The following TSHZ3 variants were observed in gnomAD, a reference collection of about 807,000 sequenced individuals.
The protein encoded by TSHZ3 is teashirt homolog 3.
Under a neutral mutation model 64.5 loss-of-function variants are expected in TSHZ3, and 10 were observed. That is an observed-to-expected ratio of 0.16 (90% CI 0.10 to 0.26). The LOEUF (loss-of-function observed/expected upper bound fraction) is 0.26. TSHZ3 is among the 10% of genes least tolerant of loss of function. The pLI, the probability that TSHZ3 is intolerant of heterozygous loss-of-function variation, is 1.00. For missense variants in TSHZ3, 1,242 were observed against 1,421.7 expected (o/e 0.87, Z 2.03); for synonymous variants, 608 against 593.1 (o/e 1.03, Z -0.36).
At chr19:31,258,976 C>A (rs1310884170) in intron 1 of TSHZ3, among the ~76,000 whole-genome samples, 2 of 152,224 alleles carry the variant, frequency 1.3e-5, no homozygotes, top group East Asian at 3.8e-4. Context: ...TCTATCCAAC[C>A]CCAGCCCCAC....
intron 1 of TSHZ3, among the ~76,000 whole-genome samples, chr19:31,345,433 G>GTGTCATCT (rs1489149701): frequency 1.3e-5 from 2 of 152,300 alleles, no homozygotes; most frequent in Non-Finnish European, 2.9e-5. Flanking sequence ...ACCACCAGGT[G>GTGTCATCT]GGCCACCTCT....
chr19:31,346,920 TAGGCAG>T (rs1160289474), intron 1 of TSHZ3, among the ~76,000 whole-genome samples: 3 of 151,796 alleles, frequency 2.0e-5, no homozygotes, highest in Non-Finnish European at 4.4e-5. Context: ...ACATGTCCAT[TAGGCAG>T]AGGCATTCTG....
chr19:31,235,699 CTTTTTTTTTTTT>C (rs34677399), intron 3 of TSHZ3, among the ~76,000 whole-genome samples: 46 of 59,560 alleles, frequency 7.7e-4, no homozygotes, highest in African/African-American at 3.2e-3. Context: ...TCCTCTTCTT[CTTTTTTTTTTTT>C]TTTTTTTTTT....
Position 31,237,935 on chromosome 19 carries a change from T to G in TSHZ3, n.550+4334A>C, listed in dbSNP as rs556910551. ...TATGTCATTTATATTGATTTCTAAT[T>G]TAACGCCATGTGGTCAGAAAACAAC... On this transcript the variant is annotated intron_variant and non_coding_transcript_variant, in intron 3 of 6. Transcript: ENST00000651361. 5.8e-4 allele frequency among the ~76,000 whole-genome samples: 88 copies of G among 152,338 alleles called. No homozygotes were observed. In the South Asian group the frequency reaches 0.017, roughly 29 times the overall value.
intron 5 of TSHZ3, among the ~76,000 whole-genome samples, chr19:31,156,973 C>T (rs938376705): frequency 1.6e-4 from 24 of 152,050 alleles, no homozygotes; most frequent in African/African-American, 5.3e-4. Context: ...CATGCAGCAG[C>T]GATGAGACTG....
Position 31,163,764 on chromosome 19 carries a change from C to T in TSHZ3, n.810-7347G>A, listed in dbSNP as rs185556517. Among the ~76,000 whole-genome samples, 54 of 152,176 alleles carry T rather than the reference C, an allele frequency of 3.5e-4. 1 individual carries two copies. The highest frequency in any genetic ancestry group is 1.3e-3 in the African/African-American group (53 of 41,526). On this transcript the variant is annotated intron_variant and non_coding_transcript_variant, in intron 5 of 6. Coordinates refer to the TSHZ3 transcript ENST00000651361. The stretch of plus-strand genomic sequence containing the variant: ...CAAAGAACAAGAAAGATGACTATGG[C>T]CCCAGTGAGGAACATGGATTAAAAG...
At chr19:31,310,745 G>A (rs961465069) in intron 1 of TSHZ3, among the ~76,000 whole-genome samples, 1 of 152,170 alleles carries the variant, frequency 6.6e-6, no homozygotes, top group Non-Finnish European at 1.5e-5. Flanking sequence ...TACGTTTCTG[G>A]TTCTTCCCTT....
intron 1 of TSHZ3, among the ~76,000 whole-genome samples, chr19:31,328,863 G>A (rs1038156679): frequency 6.6e-6 from 1 of 152,222 alleles, no homozygotes; most frequent in Non-Finnish European, 1.5e-5. Context: ...TGAAGAGGCA[G>A]CCTTCCAGAT....
downstream of TSHZ3, among the ~76,000 whole-genome samples, chr19:31,271,758 T>G (rs981808528): frequency 3.9e-5 from 6 of 152,226 alleles, no homozygotes; most frequent in Non-Finnish European, 8.8e-5. Context: ...AGATTACACG[T>G]GCTCACTAAT....
intron 1 of TSHZ3, among the ~76,000 whole-genome samples, chr19:31,346,333 G>T (rs1042455610): frequency 1.8e-4 from 27 of 152,144 alleles, no homozygotes; most frequent in African/African-American, 6.0e-4. Context: ...GCAGAAAATT[G>T]AGTTAATGCA....
intron 1 of TSHZ3, among the ~76,000 whole-genome samples, chr19:31,324,599 A>G (rs886291845): frequency 3.3e-5 from 5 of 152,238 alleles, no homozygotes; most frequent in African/African-American, 1.2e-4. Flanking sequence ...TTGGAGGCCT[A>G]TGGCCTCTGG....
intron 5 of TSHZ3, among the ~76,000 whole-genome samples, chr19:31,179,268 G>C (rs925903909): frequency 2.0e-5 from 3 of 152,182 alleles, no homozygotes; most frequent in African/African-American, 7.2e-5. Flanking sequence ...AACCCAGAGA[G>C]AGCTGTCCAG....
intron 1 of TSHZ3, among the ~76,000 whole-genome samples, chr19:31,320,856 G>A (rs1258963910): frequency 1.3e-5 from 2 of 152,158 alleles, no homozygotes; most frequent in East Asian, 1.9e-4. Flanking sequence ...CTGGTTGCAG[G>A]ATGTCACTGA....
chr19:31,220,331 A>C (rs1408292151), intron 4 of TSHZ3, among the ~76,000 whole-genome samples: 2 of 152,236 alleles, frequency 1.3e-5, no homozygotes, highest in African/African-American at 4.8e-5. Context: ...TCTGTCATCC[A>C]AAAGTTGCCC....
At chr19:31,259,419 C>T (rs1975955986) in intron 1 of TSHZ3, among the ~76,000 whole-genome samples, 2 of 152,124 alleles carry the variant, frequency 1.3e-5, no homozygotes, top group Admixed American at 6.5e-5. Context: ...TATGTTACCC[C>T]ATAACAGTCT....
chr19:31,164,017 A>G (rs1393873117), intron 5 of TSHZ3, among the ~76,000 whole-genome samples: 1 of 152,168 alleles, frequency 6.6e-6, no homozygotes, highest in Non-Finnish European at 1.5e-5. Context: ...AATGTCCCCA[A>G]GTTGGTGCTT....
intron 5 of TSHZ3, among the ~76,000 whole-genome samples, chr19:31,196,358 A>G (rs772511547): frequency 8.6e-5 from 13 of 152,040 alleles, no homozygotes; most frequent in African/African-American, 1.2e-4. Flanking sequence ...GAACTTATAT[A>G]AGTTTTTCAG....
rs1174861978 is a variant in TSHZ3 at position 31,279,311 on chromosome 19, C to A, written c.482G>T (p.Gly161Val). Residue 161 changes from glycine (G) to valine (V), a missense_variant, in exon 2 of 2, where the codon GGC becomes GTC. By Grantham distance (109) the Gly-to-Val change is moderately radical (BLOSUM62 -3). This residue lies in a region of TSHZ3 where 555 missense variants were observed against 704.0 expected (regional missense o/e 0.79). Transcript: ENST00000240587. The surrounding 1 kb of genome is among the most constrained non-coding windows in gnomAD (Gnocchi z 6.4). Reference protein sequence around the residue: ...SSSSSSSSSCGSGSFDWHQSA... With the variant: ...SSSSSSSSSCVSGSFDWHQSA... ...CTGGTGCCAGTCGAAGCTCCCGCTGCCACAGCTGCTGCTGCTGCTACTGCT... is the reference window on the plus strand; with the variant it reads ...CTGGTGCCAGTCGAAGCTCCCGCTGACACAGCTGCTGCTGCTGCTACTGCT... The A allele has an allele frequency of 2.5e-6, 4 of 1,613,874 alleles. No homozygotes were observed. Among genetic ancestry groups the A allele is most frequent in the Non-Finnish European group, 3.4e-6 (4 of 1,179,886 alleles).
intron 5 of TSHZ3, among the ~76,000 whole-genome samples, chr19:31,164,151 A>G (rs1470612525): frequency 2.6e-5 from 4 of 152,070 alleles, no homozygotes; most frequent in Non-Finnish European, 5.9e-5. Context: ...AGTAAAGGGG[A>G]TAGGCATTGG....
Sources: allele counts gnomAD v4.1 joint callset (sites outside exome capture counted in the v4.1 genomes callset), GRCh38; gene constraint gnomAD v4.1.1; regional missense constraint gnomAD v4.1.1; non-coding constraint Gnocchi (gnomAD v3.1); transcripts MANE v1.5; gene names NCBI Gene and HGNC (gene_info 2026-07-23, HGNC 2026-07-21).